Variants in TEX29 observed in about 807,000 individuals in gnomAD.
The protein encoded by TEX29 is testis expressed 29, also known as testis-expressed protein 29.
In TEX29, 26 loss-of-function variants were observed where a neutral mutation model predicts 18.2. The ratio of observed to expected loss-of-function variants is 1.43; its 90% confidence interval spans 1.04 to 1.98. TEX29 has a LOEUF of 1.98. TEX29 is among the 30% of genes most tolerant of loss of function. TEX29 has a pLI of 0.00. For missense variants in TEX29, 177 were observed against 194.2 expected (o/e 0.91, Z 0.53); for synonymous variants, 83 against 78.5 (o/e 1.06, Z -0.31).
intron 2 of TEX29, among the ~76,000 whole-genome samples, chr13:111,325,396 G>A (rs1323721888): frequency 5.3e-5 from 8 of 152,058 alleles, no homozygotes; most frequent in South Asian, 2.1e-4. Flanking sequence ...GCCAGTGGCC[G>A]GGAGTCCAGT....
intron 3 of TEX29, chr13:111,339,498 T>C (rs2093694136): frequency 2.4e-6 from 1 of 408,910 alleles, no homozygotes; most frequent in African/African-American, 2.1e-5. Flanking sequence ...GCGCCGTCTC[T>C]CAATGCACCC....
At position 111,335,507 on chromosome 13, in the gene TEX29, T is replaced by A. The variant is rs1056279053; in HGVS notation, c.170-4356T>A. ...TGCTGCATTGGCACTTGTCATCATC[T>A]TGTTTTTGTTGTGTGAAATTGAGGT... On this transcript the variant is annotated intron_variant, in intron 3 of 5. Transcript: ENST00000283547. 2.0e-5 allele frequency among the ~76,000 whole-genome samples: 3 copies of A among 152,348 alleles called. No individual in the cohort carries two copies. The East Asian group carries it at 5.8e-4, about 29-fold the overall frequency.
intron 3 of TEX29, among the ~76,000 whole-genome samples, chr13:111,331,528 G>C (rs759487778): frequency 6.6e-6 from 1 of 151,880 alleles, no homozygotes; most frequent in Non-Finnish European, 1.5e-5. Flanking sequence ...TTTCTTGATA[G>C]TGTCCTTTGA....
chr13:111,328,285 C>T lies in TEX29; in HGVS notation c.161C>T (p.Ala54Val), dbSNP rs375512703. ...CFYEGVCYKK[A>V]VPIYIHVFSA... is the part of the protein sequence containing the mutation. The stretch of plus-strand genomic sequence containing the variant: ...TACGAAGGCGTCTGCTACAAGAAAG[C>T]GGTTCCCAGTGAGTAGACGCCCCGG... Residue 54 changes from alanine (A) to valine (V), a missense_variant, in exon 3 of 6, where the codon GCG becomes GTG. Physicochemically the swap from Ala to Val is moderately conservative, Grantham distance 64 (BLOSUM62 0). Transcript: ENST00000283547. 6.4e-5 allele frequency: 103 copies of T among 1,613,036 alleles called. No homozygotes were observed. The highest frequency in any genetic ancestry group is 1.2e-4 in the South Asian group (11 of 91,050).
At chr13:111,323,257 G>A (rs2093667631) in intron 2 of TEX29, among the ~76,000 whole-genome samples, 1 of 152,346 alleles carries the variant, frequency 6.6e-6, no homozygotes, top group Non-Finnish European at 1.5e-5. Flanking sequence ...TGGCTCCCAG[G>A]GCACCATGTT....
intron 2 of TEX29, among the ~76,000 whole-genome samples, chr13:111,321,918 C>T (rs951447996): frequency 3.3e-5 from 5 of 152,112 alleles, no homozygotes; most frequent in Admixed American, 6.5e-5. Context: ...AGCGAGACTC[C>T]GCCTCAAAAA....
upstream of TEX29, among the ~76,000 whole-genome samples, chr13:111,319,059 G>C (rs188200747): frequency 1.3e-5 from 2 of 152,102 alleles, no homozygotes; most frequent in Non-Finnish European, 2.9e-5. Flanking sequence ...ATGGGGGCAC[G>C]ATTCCCATTC....
chr13:111,318,750 A>T (rs1364498659), upstream of TEX29, among the ~76,000 whole-genome samples: 1 of 152,192 alleles, frequency 6.6e-6, no homozygotes, highest in African/African-American at 2.4e-5. Flanking sequence ...CCTGCACGCA[A>T]TGCTGGTGGG....
chr13:111,316,307 C>G (rs1406470735), upstream of TEX29: 1 of 467,872 alleles, frequency 2.1e-6, no homozygotes, highest in Non-Finnish European at 4.3e-6. Context: ...CATCCTACAA[C>G]CTGAGGAAGG....
chr13:111,336,441 A>G (rs2093689747), intron 3 of TEX29, among the ~76,000 whole-genome samples: 3 of 152,356 alleles, frequency 2.0e-5, no homozygotes, highest in Admixed American at 2.0e-4. Context: ...AACTTCTTAA[A>G]TTGGCTGGTT....
At position 111,320,924 on chromosome 13, in the gene TEX29, C is replaced by T. The variant is rs748818333; in HGVS notation, c.34C>T (p.Arg12Trp). 1.1e-5 allele frequency: 17 copies of T among 1,604,684 alleles called. No homozygotes were observed. The highest frequency in any genetic ancestry group is 6.6e-5 in the South Asian group (6 of 90,922). ...CGTGCTGGAAGTGAAGAACTCTCCG[C>T]GGCACCTCCTGAAGCAATTCACAGG... ...EYVLEVKNSP[R>W]HLLKQFTVCD... Residue 12 changes from arginine to tryptophan, a missense_variant, in exon 2 of 6, where the codon CGG becomes TGG. Transcript: ENST00000283547.
chr13:111,319,050 TGGG>T (rs560327209), upstream of TEX29, among the ~76,000 whole-genome samples: 986 of 152,228 alleles, frequency 6.5e-3, 6 homozygotes, highest in Non-Finnish European at 0.011. Context: ...GCCTCTTTAA[TGGG>T]GGCACGATTC....
chr13:111,320,740 C>G lies in TEX29; in HGVS notation c.-57C>G. Reference sequence around the variant, plus strand: ...TGAGAGGCACAGGTGGCTGAGGGGACCCGCCTGGGATGTGAGGCGCAGGTG... The same window carrying G: ...TGAGAGGCACAGGTGGCTGAGGGGAGCCGCCTGGGATGTGAGGCGCAGGTG... On this transcript the variant is annotated 5_prime_UTR_variant, in exon 1 of 6. Coordinates refer to ENST00000283547, the MANE Select transcript of TEX29 (RefSeq NM_152324.3). 3 of 887,300 alleles carry G rather than the reference C, an allele frequency of 3.4e-6. No individual in the cohort carries two copies. Among genetic ancestry groups the G allele is most frequent in the South Asian group, 2.9e-5 (2 of 69,870 alleles). 55.0% of individuals were successfully genotyped at this position (887,300 alleles called of 1,614,324 possible).
intron 2 of TEX29, 30 bp downstream of exon 2, chr13:111,320,978 T>TGG: frequency 3.9e-5 from 6 of 152,324 alleles, no homozygotes; most frequent in Admixed American, 1.6e-4. Flanking sequence ...GGGGGGCGGG[T>TGG]GGGGTGGGGG....
At chr13:111,317,504 C>T (rs2247943), upstream of TEX29, among the ~76,000 whole-genome samples, 35,208 of 152,102 alleles carry the variant, frequency 0.23, 4,380 homozygotes, top group African/African-American at 0.32. Flanking sequence ...TGTGACAGAC[C>T]TGGCGTGCTC....
chr13:111,342,901 T>C lies in TEX29; in HGVS notation c.385T>C (p.Ser129Pro). ...ASPGPPSAGP[S>P]MKSDEDKDDV... The stretch of plus-strand genomic sequence containing the variant: ...TCCTGGGCCTCCAAGTGCTGGGCCC[T>C]CGATGAAGAGTGACGAGGATAAGGA... Residue 129 changes from serine (S) to proline (P), a missense_variant, in exon 5 of 6, where the codon TCG becomes CCG. Transcript: ENST00000283547. 6.2e-7 allele frequency: 1 copy of C among 1,614,152 alleles called. No homozygotes were observed. Among genetic ancestry groups the C allele is most frequent in the Non-Finnish European group, 8.5e-7 (1 of 1,180,038 alleles).
chr13:111,339,752 C>A, intron 3 of TEX29, 111 bp from the exon 4 acceptor site: 1 of 1,022,136 alleles, frequency 9.8e-7, no homozygotes, highest in Non-Finnish European at 1.5e-6. Context: ...TGACCATGGG[C>A]AGCCGCGCCG....
chr13:111,331,884 G>A (rs1003930821), intron 3 of TEX29, among the ~76,000 whole-genome samples: 5 of 152,192 alleles, frequency 3.3e-5, no homozygotes, highest in Non-Finnish European at 5.9e-5. Flanking sequence ...TTTATTTCTA[G>A]ATTCTCAATT....
chr13:111,335,821 C>T (rs1227051776), intron 3 of TEX29, among the ~76,000 whole-genome samples: 1 of 152,178 alleles, frequency 6.6e-6, no homozygotes, highest in African/African-American at 2.4e-5. Context: ...GTAAATGCAT[C>T]ACTCCAGGAA....
Sources: allele counts gnomAD v4.1 joint callset (sites outside exome capture counted in the v4.1 genomes callset), GRCh38; gene constraint gnomAD v4.1.1; transcripts MANE v1.5; gene names NCBI Gene and HGNC (gene_info 2026-07-23, HGNC 2026-07-21).